Variants in PTPRD observed in about 807,000 individuals in gnomAD.
PTPRD encodes receptor-type tyrosine-protein phosphatase delta.
PTPRD carries 34 observed loss-of-function variants against 214.5 expected under a neutral mutation model. The observed-to-expected ratio is 0.16, with a 90% confidence interval of 0.12 to 0.21. The LOEUF (loss-of-function observed/expected upper bound fraction) is 0.21, where lower values mean the gene tolerates loss of function less well. Ranked by LOEUF, PTPRD falls within the 10% of genes least tolerant of loss-of-function variation. The probability of loss-of-function intolerance (pLI) is 1.00; values close to 1 mark genes in which losing one functional copy is unlikely to be tolerated. For missense variants in PTPRD, 2,545 were observed against 2,398.7 expected (o/e 1.06, Z -1.27); for synonymous variants, 1,128 against 845.7 (o/e 1.33, Z -5.79).
Position 9,757,598 on chromosome 9 carries a change from C to A in PTPRD, c.-326+9212G>T, listed in dbSNP as rs915998549. Among the ~76,000 whole-genome samples the A allele has an allele frequency of 1.7e-4, 26 of 152,102 alleles. No individual in the cohort carries two copies. In the Middle Eastern group the frequency reaches 0.01, roughly 60 times the overall value. On this transcript the variant is annotated intron_variant, in intron 6 of 45. Coordinates refer to ENST00000381196, the MANE Select transcript of PTPRD (RefSeq NM_002839.4). ...CTTATTTGATCAAAATAACTTATAACCCAATCTTCCTATTCTCTTTTTAAT... is the reference window on the plus strand; with the variant it reads ...CTTATTTGATCAAAATAACTTATAAACCAATCTTCCTATTCTCTTTTTAAT...
intron 5 of PTPRD, among the ~76,000 whole-genome samples, chr9:9,818,363 T>A (rs1050452213): frequency 6.6e-6 from 1 of 152,170 alleles, no homozygotes; most frequent in Non-Finnish European, 1.5e-5. Flanking sequence ...TTCAGCCTTG[T>A]GTTTCTTCTG....
intron 3 of PTPRD, among the ~76,000 whole-genome samples, chr9:10,034,846 G>A (rs1197480165): frequency 6.6e-6 from 1 of 152,102 alleles, no homozygotes; most frequent in East Asian, 1.9e-4. Flanking sequence ...CATTTAGGTT[G>A]ATTACACGTT....
chr9:10,415,107 A>G (rs894564677), intron 2 of PTPRD, among the ~76,000 whole-genome samples: 1 of 151,882 alleles, frequency 6.6e-6, no homozygotes, highest in Non-Finnish European at 1.5e-5. Context: ...AAAAATAAAT[A>G]GATAAATATA....
chr9:9,872,583 C>G (rs566779600), intron 5 of PTPRD, among the ~76,000 whole-genome samples: 1 of 151,958 alleles, frequency 6.6e-6, no homozygotes, highest in Non-Finnish European at 1.5e-5. Context: ...GAGCAAGGCC[C>G]TGTGTCAAAA....
chr9:9,569,540 T>C (rs901084159), intron 8 of PTPRD, among the ~76,000 whole-genome samples: 15 of 151,736 alleles, frequency 9.9e-5, no homozygotes, highest in African/African-American at 2.9e-4. Context: ...AGCTTAAATA[T>C]GTTCTAAAGC....
chr9:9,843,351 AT>A (rs947285890), intron 5 of PTPRD, among the ~76,000 whole-genome samples: 20 of 150,838 alleles, frequency 1.3e-4, no homozygotes, highest in South Asian at 2.1e-4. Flanking sequence ...AATGTATCAC[AT>A]TTTTTTTTAG....
chr9:9,457,982 T>A (rs745697318), intron 8 of PTPRD, among the ~76,000 whole-genome samples: 4 of 145,904 alleles, frequency 2.7e-5, no homozygotes, highest in Non-Finnish European at 6.0e-5. Context: ...AAGTATTTCA[T>A]AAATAATAAG....
chr9:9,499,147 C>G (rs1161910596), intron 8 of PTPRD, among the ~76,000 whole-genome samples: 1 of 152,090 alleles, frequency 6.6e-6, no homozygotes, highest in Non-Finnish European at 1.5e-5. Context: ...CCTATTGTTT[C>G]TCTTCAAAGA....
chr9:8,870,414 A>T (rs1160171544), intron 11 of PTPRD, among the ~76,000 whole-genome samples: 1 of 152,072 alleles, frequency 6.6e-6, no homozygotes, highest in Non-Finnish European at 1.5e-5. Context: ...AATACACTTG[A>T]CTAGAATTGA....
At chr9:8,769,913 T>C (rs1194637300) in intron 11 of PTPRD, among the ~76,000 whole-genome samples, 1 of 152,058 alleles carries the variant, frequency 6.6e-6, no homozygotes, top group Non-Finnish European at 1.5e-5. Context: ...AAAATGGACA[T>C]TCACGTAAAT....
chr9:10,537,359 T>C (rs1464245943), intron 2 of PTPRD, among the ~76,000 whole-genome samples: 1 of 152,178 alleles, frequency 6.6e-6, no homozygotes, highest in Non-Finnish European at 1.5e-5. Flanking sequence ...ACATTCTGTT[T>C]TGTTTCCTAT....
chr9:9,778,746 G>A (rs979900036), intron 5 of PTPRD, among the ~76,000 whole-genome samples: 1 of 151,986 alleles, frequency 6.6e-6, no homozygotes, highest in Non-Finnish European at 1.5e-5. Flanking sequence ...AATACAGCTG[G>A]AACCTGACCT....
intron 8 of PTPRD, among the ~76,000 whole-genome samples, chr9:9,574,256 T>C (rs1429906152): frequency 6.6e-6 from 1 of 151,962 alleles, no homozygotes; most frequent in Non-Finnish European, 1.5e-5. Flanking sequence ...TAGAAGTCAC[T>C]TGTTATTTAT....
chr9:10,044,019 T>C, intron 3 of PTPRD, among the ~76,000 whole-genome samples: 1 of 151,762 alleles, frequency 6.6e-6, no homozygotes, highest in Non-Finnish European at 1.5e-5. Context: ...AGCCTTCAAG[T>C]TCCCTTTGTA....
intron 5 of PTPRD, among the ~76,000 whole-genome samples, chr9:9,782,100 A>T (rs1335131016): frequency 1.3e-5 from 2 of 151,192 alleles, no homozygotes; most frequent in African/African-American, 4.9e-5. Flanking sequence ...CTTTGGACTC[A>T]ATTTTGATAC....
chr9:10,540,536 A>C (rs577729054), intron 2 of PTPRD, among the ~76,000 whole-genome samples: 1 of 152,286 alleles, frequency 6.6e-6, no homozygotes, highest in Admixed American at 6.5e-5. Flanking sequence ...TGGAGTTTTT[A>C]ACCAATATTT....
At chr9:9,041,485 G>T (rs138407570) in intron 10 of PTPRD, among the ~76,000 whole-genome samples, 94 of 152,152 alleles carry the variant, frequency 6.2e-4, no homozygotes, top group African/African-American at 2.2e-3. Flanking sequence ...CTGTTCCTGG[G>T]TTAGTTTGCT....
intron 9 of PTPRD, among the ~76,000 whole-genome samples, chr9:9,351,888 T>A (rs2051325349): frequency 1.3e-5 from 2 of 151,976 alleles, no homozygotes; most frequent in African/African-American, 4.8e-5. Context: ...ATATCCACCT[T>A]GATGGACTAT....
chr9:8,586,591 A>G (rs1325522508), intron 14 of PTPRD, among the ~76,000 whole-genome samples: 3 of 152,150 alleles, frequency 2.0e-5, no homozygotes, highest in Non-Finnish European at 2.9e-5. Context: ...AGGCCCCCAC[A>G]ACACAGTATG....
Sources: gnomAD v4.1 joint callset for allele counts (sites outside exome capture counted in the v4.1 genomes callset) on GRCh38, gnomAD v4.1.1 for gene constraint, MANE v1.5 for transcripts, NCBI Gene and HGNC (gene_info 2026-07-23, HGNC 2026-07-21) for gene names.